CFAP221: variants seen among roughly 807,000 people sequenced by gnomAD.
CFAP221 encodes the protein cilia- and flagella-associated protein 221.
In CFAP221, 97 loss-of-function variants were observed where a neutral mutation model predicts 113.1. That is an observed-to-expected ratio of 0.86 (90% CI 0.73 to 1.02). The LOEUF is 1.02. Among genes scored for constraint, CFAP221 ranks in the 50% least tolerant of loss-of-function variants. The pLI, the probability that CFAP221 is intolerant of heterozygous loss-of-function variation, is 0.00. For synonymous variants in CFAP221, 331 were observed against 354.4 expected (o/e 0.93, Z 0.74); for missense variants, 1,025 against 1,013.4 (o/e 1.01, Z -0.16).
chr2:119,637,549 T>A (rs2104782378), intron 19 of CFAP221, among the ~76,000 whole-genome samples: 1 of 152,290 alleles, frequency 6.6e-6, no homozygotes, highest in Non-Finnish European at 1.5e-5. Context: ...ATCAAACATC[T>A]GAGGTTAAAC....
chr2:119,604,607 A>G, intron 8 of CFAP221, 65 bp from the exon 9 acceptor site: 1 of 1,418,636 alleles, frequency 7.0e-7, no homozygotes, highest in Non-Finnish European at 9.3e-7. Flanking sequence ...CAGAAGGAAC[A>G]TAAAACATTA....
At chr2:119,633,233 C>T (rs1686900545) in intron 19 of CFAP221, among the ~76,000 whole-genome samples, 1 of 151,540 alleles carries the variant, frequency 6.6e-6, no homozygotes. Flanking sequence ...GATCATAGAC[C>T]TAAATAGAAA....
downstream of CFAP221, among the ~76,000 whole-genome samples, chr2:119,658,470 C>T (rs1688522007): frequency 6.6e-6 from 1 of 152,100 alleles, no homozygotes; most frequent in South Asian, 2.1e-4. Context: ...CCAAGGAGCC[C>T]TGGTTCCTTT....
chr2:119,560,620 CA>C (rs1185009859), intron 5 of CFAP221, among the ~76,000 whole-genome samples: 5 of 152,096 alleles, frequency 3.3e-5, no homozygotes, highest in African/African-American at 1.2e-4. Context: ...GTCCAGACCC[CA>C]GTCTTCAGCT....
At chr2:119,549,286 G>A (rs12469321) in intron 3 of CFAP221, 101 bp downstream of exon 3, 12,781 of 927,418 alleles carry the variant, frequency 0.014, 119 homozygotes, top group Non-Finnish European at 0.017. Context: ...ATAATCAGCC[G>A]TAGTGCAAGA....
chr2:119,632,659 G>A (rs185570159), intron 19 of CFAP221, among the ~76,000 whole-genome samples: 1 of 141,668 alleles, frequency 7.1e-6, no homozygotes, highest in African/African-American at 2.6e-5. Context: ...TAAATAAAAG[G>A]TACCCAGATT....
chr2:119,613,826 CT>C (rs1382518934), intron 13 of CFAP221, among the ~76,000 whole-genome samples: 1 of 152,270 alleles, frequency 6.6e-6, no homozygotes, highest in African/African-American at 2.4e-5. Flanking sequence ...TGAATTTCTT[CT>C]CAGAAAATGG....
rs755917552 is a variant in CFAP221, at chr2:119,638,333, C to T, written c.2049C>T (p.Cys683=). The change falls in exon 20 of 24, where the codon TGC becomes TGT. Residue 683 remains cysteine (C), a synonymous_variant. Transcript: ENST00000413369. ...YAETLIDYHL[C]SHPKYKFTKE... The stretch of plus-strand genomic sequence containing the variant: ...AAACGTTGATAGATTACCATCTATG[C>T]TCTCACCCCAAGTACAAATTCACCA... The T allele has an allele frequency of 5.6e-6, 9 of 1,613,710 alleles. No individual in the cohort carries two copies. Among genetic ancestry groups the T allele is most frequent in the African/African-American group, 2.7e-5 (2 of 74,910 alleles).
rs908853772 is a variant in CFAP221, at chr2:119,607,772, T to G, written c.1134-730T>G. ...AAAGGGAATCACAGAATACATAGTCTTTTGTGACTGGCCTCTTCCACTTAA... is the reference window on the plus strand; with the variant it reads ...AAAGGGAATCACAGAATACATAGTCGTTTGTGACTGGCCTCTTCCACTTAA... On this transcript the variant is annotated intron_variant, in intron 11 of 23. Coordinates refer to ENST00000413369, the MANE Select transcript of CFAP221 (RefSeq NM_001271049.2). 2.6e-5 allele frequency among the ~76,000 whole-genome samples: 4 copies of G among 152,244 alleles called. No homozygotes were observed. In the South Asian group the frequency reaches 8.3e-4, roughly 32 times the overall value.
At chr2:119,602,770 A>G (rs1276725525) in intron 8 of CFAP221, 1 of 985,314 alleles carries the variant, frequency 1.0e-6, no homozygotes, top group African/African-American at 1.7e-5. Context: ...CAGGTGAGCA[A>G]AATGGTGTTT....
intron 23 of CFAP221, 51 bp downstream of exon 23, chr2:119,652,120 G>A (rs1055242031): frequency 1.4e-6 from 2 of 1,468,266 alleles, no homozygotes; most frequent in Non-Finnish European, 1.9e-6. Flanking sequence ...GATGAAATTT[G>A]TTCTGCATAA....
chr2:119,629,953 C>A lies in CFAP221; in HGVS notation c.1729C>A (p.Gln577Lys). Residue 577 changes from glutamine to lysine, a missense_variant and splice_region_variant, in exon 17 of 24, where the codon CAG becomes AAG. By Grantham distance (53) the Gln-to-Lys change is moderately conservative. Transcript: ENST00000413369. ...IKQSYSFFNL[Q>K]VPQLYKIKRY... ...GCAGAGTTATTCCTTCTTCAATCTGCAGGTCAGACCTGTCACATAAATTAA... is the reference window on the plus strand; with the variant it reads ...GCAGAGTTATTCCTTCTTCAATCTGAAGGTCAGACCTGTCACATAAATTAA... 1 of 1,602,004 alleles carries A rather than the reference C, an allele frequency of 6.2e-7. No homozygotes were observed. The highest frequency in any genetic ancestry group is 1.3e-5 in the African/African-American group (1 of 74,592).
chr2:119,589,444 G>T (rs145800515), intron 7 of CFAP221, among the ~76,000 whole-genome samples: 7 of 152,184 alleles, frequency 4.6e-5, no homozygotes, highest in African/African-American at 1.7e-4. Context: ...TATTGCCTCC[G>T]TTTTACAAAC....
chr2:119,548,525 G>A (rs1046047774), intron 2 of CFAP221, among the ~76,000 whole-genome samples: 1 of 152,104 alleles, frequency 6.6e-6, no homozygotes, highest in African/African-American at 2.4e-5. Flanking sequence ...CGTTTAAAAG[G>A]GACATTCACA....
At chr2:119,587,376 T>G (rs1683297317) in intron 7 of CFAP221, among the ~76,000 whole-genome samples, 154 bp downstream of exon 7, 2 of 152,250 alleles carry the variant, frequency 1.3e-5, no homozygotes, top group South Asian at 4.1e-4. Flanking sequence ...TTGGGATCAT[T>G]TGTATCATGC....
In CFAP221 at chr2:119,601,327, A is replaced by G. The variant is rs944145294; in HGVS notation, c.741A>G (p.Gln247=). 8 of 1,535,338 alleles carry G rather than the reference A, an allele frequency of 5.2e-6. No homozygotes were observed. The Admixed American group carries it at 9.8e-5, about 19-fold the overall frequency. The change falls in exon 8 of 24, where the codon CAA becomes CAG. Residue 247 remains glutamine, a synonymous_variant. Transcript: ENST00000413369. ...TATGGATTTCGCAGTTCAACTCTCA[A>G]CCATACGAATGTGTCTTCACCGGAA... is the stretch of plus-strand genomic sequence containing the variant. The part of the protein sequence containing the change: ...MQLWISQFNS[Q]PYECVFTGTC...
chr2:119,566,560 C>A (rs112611240), intron 6 of CFAP221, among the ~76,000 whole-genome samples: 23 of 152,348 alleles, frequency 1.5e-4, no homozygotes, highest in African/African-American at 5.5e-4. Context: ...TGAGTACCCC[C>A]CCAGCTCCTA....
At chr2:119,583,056 C>G (rs1682957352) in intron 6 of CFAP221, among the ~76,000 whole-genome samples, 1 of 152,070 alleles carries the variant, frequency 6.6e-6, no homozygotes, top group Non-Finnish European at 1.5e-5. Flanking sequence ...ATCCTGCTTT[C>G]TGGAGACACA....
intron 6 of CFAP221, among the ~76,000 whole-genome samples, chr2:119,576,205 T>C (rs1274043386): frequency 1.3e-5 from 2 of 152,216 alleles, no homozygotes; most frequent in Non-Finnish European, 2.9e-5. Context: ...TCCTTCAACT[T>C]TTATTTTAGG....
Sources: gnomAD v4.1 joint callset for allele counts (sites outside exome capture counted in the v4.1 genomes callset) on GRCh38, gnomAD v4.1.1 for gene constraint, MANE v1.5 for transcripts, NCBI Gene and HGNC (gene_info 2026-07-23, HGNC 2026-07-21) for gene names.